The following SLC49A3 variants were observed in gnomAD, a reference collection of about 807,000 sequenced individuals.
SLC49A3 encodes solute carrier family 49 member 3, also known as solute carrier family 49 member A3.
Under a neutral mutation model 43.8 loss-of-function variants are expected in SLC49A3, and 50 were observed. The observed-to-expected ratio is 1.14, with a 90% CI of 0.91 to 1.45. SLC49A3 has a LOEUF of 1.45. Ranked by LOEUF, SLC49A3 falls within the 40% of genes most tolerant of loss-of-function variation. The pLI is 0.00. For synonymous variants in SLC49A3, 413 were observed against 352.0 expected, an observed-to-expected ratio of 1.17 and a Z score of -1.94; for missense variants, 906 against 774.1, an observed-to-expected ratio of 1.17 and a Z score of -2.02.
At chr4:690,553 G>A (rs1373101912), upstream of SLC49A3, among the ~76,000 whole-genome samples, 4 of 152,234 alleles carry the variant, frequency 2.6e-5, no homozygotes, top group Admixed American at 2.0e-4. Flanking sequence ...TGGCAGAGGG[G>A]GAGTTGCAGT....
At chr4:679,173 G>T, downstream of SLC49A3, 1 of 855,184 alleles carries the variant, frequency 1.2e-6, no homozygotes, top group Non-Finnish European at 1.9e-6. Context: ...GAAGCTGCAA[G>T]GTGATGGCCC....
intron 1 of SLC49A3, chr4:687,193 C>G (rs538993239): frequency 6.4e-6 from 1 of 156,206 alleles, no homozygotes; most frequent in African/African-American, 2.4e-5. Context: ...GTCCAGCACA[C>G]AGCACAAGTG....
At chr4:680,771 G>A (rs1003809204), downstream of SLC49A3, 3 of 676,916 alleles carry the variant, frequency 4.4e-6, no homozygotes, top group Non-Finnish European at 7.5e-6. Context: ...CTCACACAGG[G>A]ACCAGCGCCT....
intron 4 of SLC49A3, 75 bp from the exon 5 acceptor site, chr4:684,931 G>A: frequency 6.6e-7 from 1 of 1,522,312 alleles, no homozygotes; most frequent in Middle Eastern, 2.3e-4. Flanking sequence ...GCCTGTCCCA[G>A]GCGCCACCTC....
downstream of SLC49A3, chr4:677,946 G>A (rs1577328808): frequency 6.2e-7 from 1 of 1,611,924 alleles, no homozygotes; most frequent in Non-Finnish European, 8.5e-7. Context: ...AGTCTGAACT[G>A]TCCTGGGGGA....
At chr4:688,571 C>A (rs900190148) in intron 1 of SLC49A3, among the ~76,000 whole-genome samples, 5 of 152,184 alleles carry the variant, frequency 3.3e-5, no homozygotes, top group South Asian at 2.1e-4. Context: ...CCCAGCCCAG[C>A]CCAGGAGCCG....
Position 682,060 on chromosome 4 carries a change from C to T in SLC49A3, c.1578G>A (p.Ala526=). Residue 526 remains alanine, a synonymous_variant, in exon 10 of 10, where the codon GCG becomes GCA. Coordinates refer to ENST00000322224, the MANE Select transcript of SLC49A3 (RefSeq NM_032219.4). ...CTGCGAGTCTGCCGGGGCGGGAGGG[C>T]GCGTCGGTGGCTGCTGGGCCTTGCG... The part of the protein sequence containing the change: ...PRAQGPAATD[A]PSRPGRLAGR... The T allele has an allele frequency of 7.1e-7, 1 of 1,410,642 alleles. No homozygotes were observed. Among genetic ancestry groups the T allele is most frequent in the Non-Finnish European group, 9.3e-7 (1 of 1,070,326 alleles). 87.4% of individuals were successfully genotyped at this position (1,410,642 alleles called of 1,614,324 possible).
At chr4:686,716 G>T (rs777318999) in intron 1 of SLC49A3, 26 bp from the exon 2 acceptor site, 7 of 1,605,482 alleles carry the variant, frequency 4.4e-6, no homozygotes, top group East Asian at 4.5e-5. Flanking sequence ...GGGAGTCAGC[G>T]CAGGGCCACA....
chr4:686,273 G>A lies in SLC49A3; in HGVS notation c.324C>T (p.Ala108=), dbSNP rs1005295909. The part of the protein sequence containing the change: ...ATILGAWLNF[A]GSVLRMVPCM... ...AGGGCACCATGCGTAGCACACTCCC[G>A]GCAAAGTTCAGCCACGCACCCAGGA... The change falls in exon 3 of 10, where the codon GCC becomes GCT. Residue 108 remains alanine (A), a synonymous_variant. Transcript: ENST00000322224. The A allele has an allele frequency of 1.4e-5, 22 of 1,613,226 alleles. No individual in the cohort carries two copies. The highest frequency in any genetic ancestry group is 5.5e-5 in the South Asian group (5 of 91,086).
rs1179113064 is a variant in SLC49A3, at chr4:685,712, C to T, written c.585+123G>A. ...CAGGCTGAGACTCCTTCTCGGGTGG[C>T]GGGGCGGGGGACGGGAATCACACAC... On this transcript the variant is annotated intron_variant, in intron 4 of 9. Transcript: ENST00000322224. The surrounding 1 kb of genome is among the most constrained non-coding windows in gnomAD (Gnocchi z 4.3). 4.9e-6 allele frequency: 5 copies of T among 1,021,418 alleles called. No homozygotes were observed. The highest frequency in any genetic ancestry group is 2.2e-5 in the Admixed American group (1 of 46,258). The allele number at this position is 1,021,418 out of a possible 1,614,324, so 63.3% of individuals were successfully genotyped here.
upstream of SLC49A3, chr4:689,234 G>GCCGGC: frequency 2.6e-6 from 2 of 770,766 alleles, no homozygotes; most frequent in Non-Finnish European, 3.5e-6. Context: ...GCCGGGCCGG[G>GCCGGC]CCGGGCCACG....
At chr4:684,343 G>C (rs531298156) in intron 6 of SLC49A3, 140 bp downstream of exon 6, 1 of 1,184,260 alleles carries the variant, frequency 8.4e-7, no homozygotes, top group Non-Finnish European at 1.2e-6. Flanking sequence ...AGGGCATCTC[G>C]GGAGGGCCCA....
chr4:686,385 C>T, intron 2 of SLC49A3, 83 bp from the exon 3 acceptor site: 1 of 1,576,110 alleles, frequency 6.3e-7, no homozygotes, highest in Non-Finnish European at 8.6e-7. Context: ...ACCTGGACCT[C>T]CCACTGCCGC....
chr4:683,870 A>G lies in SLC49A3; in HGVS notation c.841-109T>C, dbSNP rs562697934. The G allele has an allele frequency of 8.2e-6, 11 of 1,345,650 alleles. No homozygotes were observed. The South Asian group carries it at 1.7e-4, about 21-fold the overall frequency. 83.4% of individuals were successfully genotyped at this position (1,345,650 alleles called of 1,614,324 possible). On this transcript the variant is annotated intron_variant, in intron 6 of 9. Transcript: ENST00000322224. ...GGGCCGTGTGCTGTGCCCAAGGCCC[A>G]GGCATAGCAACACAGCTTCCAGACG...
chr4:685,114 C>G lies in SLC49A3; in HGVS notation c.586-258G>C. 1 of 541,312 alleles carries G rather than the reference C, an allele frequency of 1.8e-6. No individual in the cohort carries two copies. The highest frequency in any genetic ancestry group is 3.3e-5 in the East Asian group (1 of 30,554). The allele number at this position is 541,312 out of a possible 1,614,324, so 33.5% of individuals were successfully genotyped here. A position where few individuals can be genotyped will look rare whatever the true frequency, so the allele number is the denominator to read the frequency against. On this transcript the variant is annotated intron_variant, in intron 4 of 9. Transcript: ENST00000322224. This position sits in a 1 kb window ranked among gnomAD's most constrained non-coding sequence, Gnocchi z 4.3. The stretch of plus-strand genomic sequence containing the variant: ...CTGATGTTAGCCCAGCACCCCCAGG[C>G]TCCAGACTTACATCTCACTGCCAGC...
Position 682,269 on chromosome 4 carries a change from A to AG in SLC49A3, c.1368dup (p.Ser457LeufsTer4), listed in dbSNP as rs768673787. On this transcript the variant is annotated frameshift_variant, in exon 10 of 10. Transcript: ENST00000322224. LOFTEE classifies it low-confidence loss of function (END_TRUNC). Reference sequence around the variant, plus strand: ...GCGCCGCCCACGGCGTTACGGGTGGAGGGGGGCTCCCCAGACTCGGCCTGC... The same window carrying AG: ...GCGCCGCCCACGGCGTTACGGGTGGAGGGGGGGCTCCCCAGACTCGGCCTGC... 1.4e-5 allele frequency: 19 copies of AG among 1,373,090 alleles called. No individual in the cohort carries two copies. The highest frequency in any genetic ancestry group is 1.0e-4 in the African/African-American group (7 of 66,738). 85.1% of individuals were successfully genotyped at this position (1,373,090 alleles called of 1,614,324 possible). A position where few individuals can be genotyped will look rare whatever the true frequency, so the allele number is the denominator to read the frequency against.
chr4:683,044 G>A (rs529684633), intron 8 of SLC49A3, among the ~76,000 whole-genome samples, 154 bp from the exon 9 acceptor site: 8 of 152,270 alleles, frequency 5.3e-5, no homozygotes, highest in East Asian at 1.9e-4. Context: ...CAGCCGGCCC[G>A]GCCTGCACAC....
downstream of SLC49A3, chr4:678,674 A>G (rs2109334259): frequency 6.2e-7 from 1 of 1,609,768 alleles, no homozygotes; most frequent in South Asian, 1.1e-5. Context: ...AGGAAGACCA[A>G]GAAGAAGGAA....
At chr4:681,140 G>T (rs1463306583), downstream of SLC49A3, 4 of 1,604,718 alleles carry the variant, frequency 2.5e-6, no homozygotes, top group Non-Finnish European at 3.4e-6. Context: ...CGGCGGAAGA[G>T]GTCTGGCCCG....
Sources: allele counts gnomAD v4.1 joint callset (sites outside exome capture counted in the v4.1 genomes callset), GRCh38; gene constraint gnomAD v4.1.1; non-coding constraint Gnocchi (gnomAD v3.1); transcripts MANE v1.5; gene names NCBI Gene and HGNC (gene_info 2026-07-23, HGNC 2026-07-21).